SLC35F3: variants seen among roughly 807,000 people sequenced by gnomAD.
The protein encoded by SLC35F3 is solute carrier family 35 member F3, also known as putative thiamine transporter SLC35F3.
In SLC35F3, 25 loss-of-function variants were observed where a neutral mutation model predicts 49.9. The ratio of observed to expected loss-of-function variants is 0.50; its 90% CI spans 0.37 to 0.70. The LOEUF (loss-of-function observed/expected upper bound fraction) is 0.70, where lower values mean the gene tolerates loss of function less well. Ranked by LOEUF, SLC35F3 falls within the 30% of genes least tolerant of loss-of-function variation. The probability of loss-of-function intolerance (pLI) is 0.00; values close to 1 mark genes in which losing one functional copy is unlikely to be tolerated. For synonymous variants in SLC35F3, 275 were observed against 265.4 expected (o/e 1.04, Z -0.35); for missense variants, 525 against 639.8 (o/e 0.82, Z 1.94).
At chr1:234,201,176 T>C (rs1666895466) in intron 2 of SLC35F3, among the ~76,000 whole-genome samples, 1 of 152,214 alleles carries the variant, frequency 6.6e-6, no homozygotes, top group Non-Finnish European at 1.5e-5. Context: ...CCCAGTGTGA[T>C]TTGATCACTA....
chr1:233,906,304 G>A (rs1241382200), intron 2 of SLC35F3, among the ~76,000 whole-genome samples: 1 of 152,134 alleles, frequency 6.6e-6, no homozygotes, highest in East Asian at 1.9e-4. Context: ...GTTCTATAGG[G>A]ATCATTCTAG....
intron 2 of SLC35F3, among the ~76,000 whole-genome samples, chr1:234,222,894 G>T (rs994453794): frequency 8.5e-5 from 13 of 152,202 alleles, no homozygotes; most frequent in Non-Finnish European, 1.2e-4. Context: ...AAACCAACTG[G>T]TGTATATGGA....
intron 2 of SLC35F3, among the ~76,000 whole-genome samples, chr1:234,008,152 C>T (rs1341038715): frequency 1.3e-5 from 1 of 77,926 alleles, no homozygotes; most frequent in African/African-American, 5.3e-5. Context: ...TTCTCTCACT[C>T]ATCTATTAGA....
chr1:234,286,933 G>A (rs1169824131), intron 3 of SLC35F3, among the ~76,000 whole-genome samples: 1 of 152,220 alleles, frequency 6.6e-6, no homozygotes, highest in East Asian at 1.9e-4. Context: ...ATTTTAGGAG[G>A]CCAAGGCAGG....
intron 4 of SLC35F3, 82 bp downstream of exon 4, chr1:234,309,402 G>A (rs1657294320): frequency 1.7e-6 from 2 of 1,209,896 alleles, no homozygotes; most frequent in East Asian, 2.4e-5. Context: ...AGCTCCATGT[G>A]CTGGACCATG....
chr1:234,145,972 C>G (rs1397709240), intron 2 of SLC35F3, among the ~76,000 whole-genome samples: 2 of 152,066 alleles, frequency 1.3e-5, no homozygotes, highest in Non-Finnish European at 2.9e-5. Context: ...CATGCGGAAT[C>G]TTTTTCAACT....
intron 2 of SLC35F3, among the ~76,000 whole-genome samples, chr1:234,207,369 C>T (rs1007895910): frequency 5.9e-4 from 4 of 6,812 alleles, no homozygotes; most frequent in Admixed American, 5.8e-3. Context: ...TGCCTCCATC[C>T]TTTACCTTTT....
intron 2 of SLC35F3, among the ~76,000 whole-genome samples, chr1:234,070,991 C>T (rs1313543838): frequency 1.3e-5 from 2 of 152,198 alleles, no homozygotes; most frequent in African/African-American, 4.8e-5. Context: ...TCCCGTCTCA[C>T]CTGAAGCCCT....
intron 2 of SLC35F3, chr1:234,213,353 G>C (rs1175372988): frequency 6.6e-6 from 1 of 152,236 alleles, no homozygotes; most frequent in African/African-American, 2.4e-5. Flanking sequence ...ACTGATCCTT[G>C]AGGCTGGGAC....
chr1:234,131,892 A>C (rs1461066147), intron 2 of SLC35F3, among the ~76,000 whole-genome samples: 1 of 152,202 alleles, frequency 6.6e-6, no homozygotes, highest in African/African-American at 2.4e-5. Context: ...CTCAGCAAAT[A>C]ATAAGCGATA....
rs1179486104 is a variant in SLC35F3 at position 234,231,734 on chromosome 1, C to A, written c.601C>A (p.Arg201=). The A allele has an allele frequency of 1.2e-6, 2 of 1,606,236 alleles. No homozygotes were observed. The highest frequency in any genetic ancestry group is 8.5e-7 in the Non-Finnish European group (1 of 1,175,070). Residue 201 remains arginine, a synonymous_variant, in exon 3 of 8, where the codon CGA becomes AGA. Transcript: ENST00000366618. The surrounding 1 kb of genome is among the most constrained non-coding windows in gnomAD (Gnocchi z 5.4). ...CACAGAGAAGCAGTCTGTGAAGCAG[C>A]GATACAGGTAGGCGCGTCCTGCATG... ...KSTEKQSVKQ[R]YRECCRFFGD...
chr1:234,309,426 G>A, intron 4 of SLC35F3, 106 bp downstream of exon 4: 1 of 946,914 alleles, frequency 1.1e-6, no homozygotes, highest in Non-Finnish European at 1.6e-6. Flanking sequence ...ATAAGCTGCT[G>A]ACCACTTTCC....
intron 2 of SLC35F3, among the ~76,000 whole-genome samples, chr1:234,229,691 A>T (rs561794291): frequency 3.9e-5 from 6 of 152,036 alleles, no homozygotes; most frequent in Non-Finnish European, 5.9e-5. Flanking sequence ...TGAGTTTTTG[A>T]CAGTGATGCT....
chr1:234,252,181 T>C (rs897074532), intron 3 of SLC35F3, among the ~76,000 whole-genome samples: 1 of 152,150 alleles, frequency 6.6e-6, no homozygotes, highest in African/African-American at 2.4e-5. Flanking sequence ...GTGATTCTCC[T>C]GCCTCAGCCT....
intron 2 of SLC35F3, among the ~76,000 whole-genome samples, chr1:234,188,615 C>T (rs1373967161): frequency 1.3e-5 from 2 of 152,134 alleles, no homozygotes; most frequent in Non-Finnish European, 2.9e-5. Flanking sequence ...CCCTACTCAC[C>T]CTGGTAGCTG....
intron 2 of SLC35F3, among the ~76,000 whole-genome samples, chr1:233,933,383 CT>C (rs1396382368): frequency 6.6e-6 from 1 of 152,022 alleles, no homozygotes; most frequent in Non-Finnish European, 1.5e-5. Flanking sequence ...GGGTCTCCCT[CT>C]GCCATCCTGG....
intron 2 of SLC35F3, among the ~76,000 whole-genome samples, chr1:233,979,869 G>A (rs1027959036): frequency 2.6e-5 from 4 of 152,174 alleles, no homozygotes; most frequent in African/African-American, 9.7e-5. Flanking sequence ...GATAGGTGAG[G>A]GAGCCCGTGG....
At chr1:234,142,695 G>T (rs1665936535) in intron 2 of SLC35F3, among the ~76,000 whole-genome samples, 1 of 152,030 alleles carries the variant, frequency 6.6e-6, no homozygotes, top group Admixed American at 6.5e-5. Context: ...TATATGGGGG[G>T]ACCCTATGGT....
chr1:234,254,640 G>T (rs1250391339), intron 3 of SLC35F3, among the ~76,000 whole-genome samples: 1 of 152,246 alleles, frequency 6.6e-6, no homozygotes, highest in South Asian at 2.1e-4. Context: ...GATTGTAAAA[G>T]ATACTATAAA....
Sources: allele counts gnomAD v4.1 joint callset (sites outside exome capture counted in the v4.1 genomes callset), GRCh38; gene constraint gnomAD v4.1.1; non-coding constraint Gnocchi (gnomAD v3.1); transcripts MANE v1.5; gene names NCBI Gene and HGNC (gene_info 2026-07-23, HGNC 2026-07-21).